NINL: variants seen among roughly 807,000 people sequenced by gnomAD.
NINL encodes ninein like.
NINL carries 153 observed loss-of-function variants against 160.3 expected under a neutral mutation model. The ratio of observed to expected loss-of-function variants is 0.95; its 90% CI spans 0.84 to 1.09. The LOEUF (loss-of-function observed/expected upper bound fraction) is 1.09. Ranked by LOEUF, NINL falls within the 50% of genes least tolerant of loss-of-function variation. The pLI, the probability that NINL is intolerant of heterozygous loss-of-function variation, is 0.00. For missense variants in NINL, 1,829 were observed against 1,764.0 expected, an observed-to-expected ratio of 1.04 and a Z score of -0.66; for synonymous variants, 800 against 734.8, an observed-to-expected ratio of 1.09 and a Z score of -1.43.
Position 25,476,873 on chromosome 20 carries a change from C to G in NINL, c.2418G>C (p.Glu806Asp). 1 of 1,613,406 alleles carries G rather than the reference C, an allele frequency of 6.2e-7. No individual in the cohort carries two copies. The highest frequency in any genetic ancestry group is 8.5e-7 in the Non-Finnish European group (1 of 1,179,906). ...TCCCGCGGGCAAGCTCCAACTCCTC[C>G]TCCTCGAGGGCCAACGATACGCACA... ...AQMCVSLALEEEELELARGKR... is the reference protein window; with the variant it reads ...AQMCVSLALEDEELELARGKR... Residue 806 changes from glutamate to aspartate, a missense_variant, in exon 17 of 24, where the codon GAG becomes GAC. By Grantham distance (45) the Glu-to-Asp change is conservative (BLOSUM62 2). Coordinates refer to ENST00000278886, the MANE Select transcript of NINL (RefSeq NM_025176.6).
intron 3 of NINL, among the ~76,000 whole-genome samples, chr20:25,514,407 T>C (rs1251354799): frequency 6.6e-6 from 1 of 152,184 alleles, no homozygotes; most frequent in Non-Finnish European, 1.5e-5. Context: ...AAGCTTATAT[T>C]CATGAGCAAA....
chr20:25,584,501 A>C (rs2065206601), intron 1 of NINL, among the ~76,000 whole-genome samples: 1 of 152,104 alleles, frequency 6.6e-6, no homozygotes, highest in Non-Finnish European at 1.5e-5. Context: ...AAGAAGAACA[A>C]AAACTCTGCT....
At position 25,476,804 on chromosome 20, in the gene NINL, C is replaced by A. The variant is rs777566384; in HGVS notation, c.2487G>T (p.Leu829=). Reference sequence around the variant, plus strand: ...TTCCTGCCACCAGCCCATCTTTCGGCAGGGCCTGCATCTCTGCTTCCAGGG... The same window carrying A: ...TTCCTGCCACCAGCCCATCTTTCGGAAGGGCCTGCATCTCTGCTTCCAGGG... The part of the protein sequence containing the change: ...GPSLEAEMQA[L]PKDGLVAGSG... Residue 829 remains leucine (L), a synonymous_variant, in exon 17 of 24, where the codon CTG becomes CTT. Transcript: ENST00000278886. 6.2e-7 allele frequency: 1 copy of A among 1,612,990 alleles called. No individual in the cohort carries two copies. The highest frequency in any genetic ancestry group is 1.1e-5 in the South Asian group (1 of 91,080).
At chr20:25,549,549 T>A (rs982915575) in intron 1 of NINL, among the ~76,000 whole-genome samples, 2 of 152,238 alleles carry the variant, frequency 1.3e-5, no homozygotes, top group African/African-American at 4.8e-5. Flanking sequence ...GAGTCTCACT[T>A]CCCCTCTCCC....
At position 25,489,253 on chromosome 20, in the gene NINL, G is replaced by C. The variant is rs1300566791; in HGVS notation, c.1668C>G (p.Leu556=). The C allele has an allele frequency of 6.2e-7, 1 of 1,614,126 alleles. No individual in the cohort carries two copies. The highest frequency in any genetic ancestry group is 1.7e-5 in the Admixed American group (1 of 60,028). ...CAGAGCAGGCACGTACCCGGCACTTGAGCTCGTATTCCTTCAGGACTGCTG... is the reference window on the plus strand; with the variant it reads ...CAGAGCAGGCACGTACCCGGCACTTCAGCTCGTATTCCTTCAGGACTGCTG... The part of the protein sequence containing the change: ...RFAAVLKEYE[L]KCRDLQDRND... Residue 556 remains leucine, a synonymous_variant, in exon 13 of 24, where the codon CTC becomes CTG. Transcript: ENST00000278886.
intron 1 of NINL, among the ~76,000 whole-genome samples, chr20:25,548,216 A>G (rs1450668800): frequency 6.6e-6 from 1 of 152,166 alleles, no homozygotes; most frequent in Non-Finnish European, 1.5e-5. Context: ...GGCCGAGTCA[A>G]GCTGCTTATG....
At chr20:25,491,806 G>A (rs1417794548) in intron 10 of NINL, among the ~76,000 whole-genome samples, 1 of 152,232 alleles carries the variant, frequency 6.6e-6, no homozygotes, top group Non-Finnish European at 1.5e-5. Context: ...GCTCCCTGGG[G>A]TGAGTCCCAA....
chr20:25,533,148 G>A (rs762525425), intron 1 of NINL, among the ~76,000 whole-genome samples: 1 of 152,168 alleles, frequency 6.6e-6, no homozygotes, highest in Non-Finnish European at 1.5e-5. Context: ...CAGAACTGTG[G>A]AGGGTCTCAG....
intron 1 of NINL, among the ~76,000 whole-genome samples, chr20:25,536,849 C>G (rs533221008): frequency 1.3e-5 from 2 of 152,272 alleles, no homozygotes; most frequent in African/African-American, 4.8e-5. Context: ...GCAGTGACAA[C>G]AGCAAAAATG....
At chr20:25,522,602 C>G (rs995727113) in intron 2 of NINL, among the ~76,000 whole-genome samples, 29 of 152,176 alleles carry the variant, frequency 1.9e-4, no homozygotes, top group African/African-American at 6.3e-4. Context: ...AAATAGTTGT[C>G]AAATACTAAA....
chr20:25,527,451 C>G (rs1237104440), intron 1 of NINL, among the ~76,000 whole-genome samples: 3 of 152,046 alleles, frequency 2.0e-5, no homozygotes, highest in Non-Finnish European at 4.4e-5. Flanking sequence ...CCGCACGCAG[C>G]CCAGATTAAT....
At chr20:25,519,628 T>A (rs1260450786) in intron 2 of NINL, among the ~76,000 whole-genome samples, 1 of 152,192 alleles carries the variant, frequency 6.6e-6, no homozygotes, top group Non-Finnish European at 1.5e-5. Flanking sequence ...GATACAGGCA[T>A]AGTCATACAA....
chr20:25,461,740 A>C, intron 20 of NINL, 105 bp from the exon 21 acceptor site: 2 of 796,444 alleles, frequency 2.5e-6, no homozygotes, highest in South Asian at 3.3e-5. Context: ...AAAAGTACAA[A>C]ATTTAAATCC....
Position 25,516,846 on chromosome 20 carries a change from C to T in NINL, c.277+907G>A, listed in dbSNP as rs1241016504. On this transcript the variant is annotated intron_variant, in intron 3 of 23. Transcript: ENST00000278886. The stretch of plus-strand genomic sequence containing the variant: ...AACCACCAGCACACAGCAGAAGGAG[C>T]GGGGTCTGGCAACAGTGCACACACA... Among the ~76,000 whole-genome samples, 3 of 152,064 alleles carry T rather than the reference C, an allele frequency of 2.0e-5. No homozygotes were observed. The East Asian group carries it at 5.8e-4, about 29-fold the overall frequency.
At chr20:25,493,300 A>G (rs959111331) in intron 10 of NINL, among the ~76,000 whole-genome samples, 11 of 152,148 alleles carry the variant, frequency 7.2e-5, no homozygotes, top group African/African-American at 2.4e-4. Context: ...GCTCGGGAGA[A>G]CGAAGTCGCT....
chr20:25,578,477 T>C (rs184315380), intron 1 of NINL, among the ~76,000 whole-genome samples: 3 of 152,080 alleles, frequency 2.0e-5, no homozygotes, highest in East Asian at 1.9e-4. Flanking sequence ...ATTCATTAAG[T>C]CCTTAATACT....
chr20:25,461,388 C>T, intron 21 of NINL, 134 bp downstream of exon 21: 1 of 602,988 alleles, frequency 1.7e-6, no homozygotes, highest in African/African-American at 1.9e-5. Context: ...GCCCGGTAAG[C>T]ACCTGGACAG....
rs1044060232 is a variant in NINL at position 25,505,144 on chromosome 20, G to C, written c.518-66C>G. ...CACAATGGAGCACGACTCAGCCTTAGAAAGAAGGACGTTCTGCCCTTTCCA... is the reference window on the plus strand; with the variant it reads ...CACAATGGAGCACGACTCAGCCTTACAAAGAAGGACGTTCTGCCCTTTCCA... On this transcript the variant is annotated intron_variant, in intron 5 of 23. Transcript: ENST00000278886. The C allele has an allele frequency of 5.9e-5, 83 of 1,413,066 alleles. No homozygotes were observed. In the African/African-American group the frequency reaches 1.0e-3, roughly 17 times the overall value. The allele number at this position is 1,413,066 out of a possible 1,614,324, so 87.5% of individuals were successfully genotyped here.
At chr20:25,569,990 C>T (rs2065036367) in intron 1 of NINL, among the ~76,000 whole-genome samples, 1 of 151,636 alleles carries the variant, frequency 6.6e-6, no homozygotes, top group Admixed American at 6.6e-5. Context: ...GCCAGCCTGG[C>T]CAACATGGCA....
Sources: allele counts gnomAD v4.1 joint callset (sites outside exome capture counted in the v4.1 genomes callset), GRCh38; gene constraint gnomAD v4.1.1; transcripts MANE v1.5; gene names NCBI Gene and HGNC (gene_info 2026-07-23, HGNC 2026-07-21).